The following CNTN6 variants were observed in gnomAD, a reference collection of about 807,000 sequenced individuals.
CNTN6 encodes contactin 6, also known as contactin-6.
CNTN6 carries 137 observed loss-of-function variants against 122.8 expected under a neutral mutation model. The observed-to-expected ratio is 1.12, with a 90% CI of 0.97 to 1.29. The LOEUF (loss-of-function observed/expected upper bound fraction) is 1.29. CNTN6 is among the 50% of genes most tolerant of loss of function. The pLI is 0.00. For synonymous variants in CNTN6, 570 were observed against 426.0 expected (o/e 1.34, Z -4.16); for missense variants, 1,634 against 1,223.4 (o/e 1.34, Z -5.01).
At chr3:1,224,118 G>T (rs1255511593) in intron 3 of CNTN6, among the ~76,000 whole-genome samples, 1 of 152,148 alleles carries the variant, frequency 6.6e-6, no homozygotes, top group Non-Finnish European at 1.5e-5. Flanking sequence ...TCTGTCAGAG[G>T]TCTGGGGATG....
At chr3:1,240,911 G>A (rs1001181887) in intron 4 of CNTN6, among the ~76,000 whole-genome samples, 2 of 151,980 alleles carry the variant, frequency 1.3e-5, no homozygotes, top group Non-Finnish European at 2.9e-5. Context: ...TAGGATTTGG[G>A]AAGGTGATGG....
chr3:1,236,724 C>G lies in CNTN6; in HGVS notation c.358+8731C>G, dbSNP rs376988967. On this transcript the variant is annotated intron_variant, in intron 4 of 22. Coordinates refer to ENST00000446702, the MANE Select transcript of CNTN6 (RefSeq NM_001289080.2). ...CCAGCTCACCTGCAATGGATCCAAG[C>G]CAAGATGAAACTTCTGAATTGCCAG... is the stretch of plus-strand genomic sequence containing the variant. Among the ~76,000 whole-genome samples the G allele has an allele frequency of 1.8e-4, 28 of 152,252 alleles. No homozygotes were observed. The East Asian group carries it at 5.0e-3, about 27-fold the overall frequency.
chr3:1,369,428 T>C (rs747920805), intron 12 of CNTN6, among the ~76,000 whole-genome samples: 25 of 150,460 alleles, frequency 1.7e-4, no homozygotes, highest in Non-Finnish European at 3.4e-4. Flanking sequence ...TTGACTCCAG[T>C]ACTTAGCATA....
chr3:1,269,537 C>A (rs1295533095), intron 4 of CNTN6, among the ~76,000 whole-genome samples: 1 of 152,164 alleles, frequency 6.6e-6, no homozygotes, highest in Non-Finnish European at 1.5e-5. Context: ...TTGAGTCTAG[C>A]CCACATCTAG....
At chr3:1,326,428 T>C (rs1383498663) in intron 9 of CNTN6, among the ~76,000 whole-genome samples, 1 of 151,880 alleles carries the variant, frequency 6.6e-6, no homozygotes, top group African/African-American at 2.4e-5. Flanking sequence ...AGCTAGTAAA[T>C]GTTAGAATTA....
chr3:1,278,493 C>G lies in CNTN6; in HGVS notation c.439C>G (p.Pro147Ala). ...GQGVVLLCGP[P>A]PHFGDLSYAW... ...AGGTGTGGTGCTTCTCTGTGGCCCA[C>G]CGCCACATTTTGGAGGTATGATGGG... Residue 147 changes from proline (P) to alanine (A), a missense_variant, in exon 5 of 23, where the codon CCG becomes GCG. Physicochemically the swap from Pro to Ala is conservative, Grantham distance 27. Transcript: ENST00000446702. The G allele has an allele frequency of 1.9e-6, 3 of 1,611,464 alleles. No individual in the cohort carries two copies. The highest frequency in any genetic ancestry group is 2.2e-5 in the East Asian group (1 of 44,820).
At chr3:1,251,414 C>G (rs1377573929) in intron 4 of CNTN6, among the ~76,000 whole-genome samples, 1 of 152,112 alleles carries the variant, frequency 6.6e-6, no homozygotes, top group Non-Finnish European at 1.5e-5. Flanking sequence ...CCTGCTTCGT[C>G]TTGTCATTCC....
intron 19 of CNTN6, among the ~76,000 whole-genome samples, chr3:1,384,157 A>G (rs901918190): frequency 6.6e-6 from 1 of 152,230 alleles, no homozygotes; most frequent in African/African-American, 2.4e-5. Context: ...CTGTGCACAC[A>G]GAGTCAACAA....
chr3:1,155,253 G>T lies in CNTN6; in HGVS notation c.55+7190G>T, dbSNP rs567491054. Among the ~76,000 whole-genome samples the T allele has an allele frequency of 3.3e-5, 5 of 152,262 alleles. No individual in the cohort carries two copies. The South Asian group carries it at 6.2e-4, about 19-fold the overall frequency. On this transcript the variant is annotated intron_variant, in intron 2 of 22. Transcript: ENST00000446702. The stretch of plus-strand genomic sequence containing the variant: ...TTATGTAGTTAAAATATTGTGAGTC[G>T]TATAAGTGGCTGCATCACTGATGCC...
intron 4 of CNTN6, among the ~76,000 whole-genome samples, chr3:1,249,413 A>T (rs1039978041): frequency 6.6e-6 from 1 of 152,206 alleles, no homozygotes; most frequent in Non-Finnish European, 1.5e-5. Context: ...CTCACTTTTT[A>T]AAAAAGGAAT....
chr3:1,154,452 T>TTTTTTTG (rs1553609085), intron 2 of CNTN6, among the ~76,000 whole-genome samples: 3 of 150,912 alleles, frequency 2.0e-5, no homozygotes, highest in African/African-American at 7.4e-5. Context: ...TTCTTTCTTT[T>TTTTTTTG]TTTTTTTTGA....
chr3:1,245,319 T>TATAAC (rs2094566652), intron 4 of CNTN6, among the ~76,000 whole-genome samples: 1 of 27,692 alleles, frequency 3.6e-5, no homozygotes, highest in Non-Finnish European at 6.8e-5. Flanking sequence ...TATATATATA[T>TATAAC]ATATATATAT....
At chr3:1,311,304 T>C (rs1225154833) in intron 7 of CNTN6, among the ~76,000 whole-genome samples, 1 of 144,498 alleles carries the variant, frequency 6.9e-6, no homozygotes, top group Non-Finnish European at 1.5e-5. Flanking sequence ...TATACGTATA[T>C]GTACATATAA....
chr3:1,126,211 G>A (rs1559360351), intron 1 of CNTN6, among the ~76,000 whole-genome samples: 1 of 151,756 alleles, frequency 6.6e-6, no homozygotes, highest in African/African-American at 2.4e-5. Context: ...TTCCTCACTG[G>A]AAAATGGAAA....
intron 2 of CNTN6, among the ~76,000 whole-genome samples, chr3:1,156,677 T>C (rs372784986): frequency 3.7e-4 from 34 of 92,726 alleles, no homozygotes; most frequent in African/African-American, 2.5e-3. Flanking sequence ...CTTCCTTCCT[T>C]CCTTTCCCTC....
At chr3:1,139,945 A>T (rs140609284) in intron 1 of CNTN6, among the ~76,000 whole-genome samples, 9 of 152,178 alleles carry the variant, frequency 5.9e-5, no homozygotes, top group Admixed American at 1.3e-4. Flanking sequence ...TTGTCTACCT[A>T]TTAAGTCAGG....
chr3:1,105,787 CT>C (rs2091192550), intron 1 of CNTN6, among the ~76,000 whole-genome samples: 1 of 152,048 alleles, frequency 6.6e-6, no homozygotes, highest in African/African-American at 2.4e-5. Flanking sequence ...ATTGTCTGGC[CT>C]GTGGTGTGTG....
intron 1 of CNTN6, among the ~76,000 whole-genome samples, chr3:1,132,725 T>TG (rs1040719141): frequency 1.6e-4 from 24 of 151,608 alleles, no homozygotes; most frequent in Non-Finnish European, 1.3e-4. Context: ...TCATCCTTGC[T>TG]GGGGGTCACT....
chr3:1,182,786 T>G (rs2093575674), intron 2 of CNTN6, among the ~76,000 whole-genome samples: 1 of 152,236 alleles, frequency 6.6e-6, no homozygotes, highest in Middle Eastern at 3.4e-3. Flanking sequence ...AATTGAAATG[T>G]TTATCATGCA....
Sources: gnomAD v4.1 joint callset for allele counts (sites outside exome capture counted in the v4.1 genomes callset) on GRCh38, gnomAD v4.1.1 for gene constraint, MANE v1.5 for transcripts, NCBI Gene and HGNC (gene_info 2026-07-23, HGNC 2026-07-21) for gene names.